The following LAMP2 variants were observed in gnomAD, a reference collection of about 807,000 sequenced individuals.
The protein encoded by LAMP2 is lysosome-associated membrane glycoprotein 2.
Under a neutral mutation model 25.6 loss-of-function variants are expected in LAMP2, and 4 were observed. The observed-to-expected ratio is 0.16, with a 90% CI of 0.08 to 0.36. LAMP2 has a LOEUF of 0.36. Among genes scored for constraint, LAMP2 ranks in the 10% least tolerant of loss-of-function variants. The pLI, the probability that LAMP2 is intolerant of heterozygous loss-of-function variation, is 1.00. For missense variants in LAMP2, 272 were observed against 301.4 expected (o/e 0.90, Z 0.72); for synonymous variants, 108 against 112.7 (o/e 0.96, Z 0.27).
intron 3 of LAMP2, among the ~76,000 whole-genome samples, chrX:120,450,892 C>T (rs1369668655): frequency 1.8e-5 from 2 of 108,397 alleles, no homozygotes; most frequent in African/African-American, 6.7e-5. Context: ...ATATGTAGAG[C>T]CTTTTAAAAA....
At chrX:120,465,312 C>T (rs1921488817) in intron 1 of LAMP2, among the ~76,000 whole-genome samples, 1 of 87,387 alleles carries the variant, frequency 1.1e-5, no homozygotes, top group South Asian at 5.6e-4. Flanking sequence ...AAATTCTGAA[C>T]CCTAAAAAAA....
chrX:120,458,270 C>G (rs1473591706), intron 1 of LAMP2, among the ~76,000 whole-genome samples: 1 of 111,659 alleles, frequency 9.0e-6, no homozygotes, highest in Non-Finnish European at 1.9e-5. Flanking sequence ...TCAAAACATT[C>G]AAAAGTATTG....
Position 120,427,527 on chromosome X carries a change from C to T in LAMP2, c.*3796G>A, listed in dbSNP as rs1389302905. Among the ~76,000 whole-genome samples, 1 of 111,801 alleles carries T rather than the reference C, an allele frequency of 8.9e-6. No homozygotes were observed. The highest frequency in any genetic ancestry group is 3.2e-5 in the African/African-American group (1 of 30,783). ...CTGATGACATATCAGGGCCCACTAA[C>T]CTCTAGAGTAAGCACTTGTTGCTGT... On this transcript the variant is annotated 3_prime_UTR_variant, in exon 9 of 9. Coordinates refer to ENST00000200639, the MANE Select transcript of LAMP2 (RefSeq NM_002294.3).
intron 3 of LAMP2, among the ~76,000 whole-genome samples, chrX:120,452,522 C>T (rs2058625727): frequency 9.0e-6 from 1 of 110,635 alleles, no homozygotes; most frequent in Admixed American, 9.7e-5. Flanking sequence ...CACGGGAACA[C>T]TTTTAAATCA....
chrX:120,460,227 C>T (rs187951943), intron 1 of LAMP2, among the ~76,000 whole-genome samples: 6 of 109,109 alleles, frequency 5.5e-5, no homozygotes, highest in African/African-American at 1.0e-4. Context: ...GAGCTGAGAT[C>T]GCGCCACTGC....
intron 8 of LAMP2, among the ~76,000 whole-genome samples, chrX:120,432,842 C>A (rs1317796888): frequency 1.8e-5 from 2 of 109,895 alleles, no homozygotes; most frequent in African/African-American, 6.7e-5. Flanking sequence ...CGCCTGTAGT[C>A]CTAGCTACTT....
Position 120,455,542 on chromosome X carries a change from G to A in LAMP2, c.212C>T (p.Thr71Ile). The change falls in exon 3 of 9, where the codon ACT becomes ATT. Residue 71 changes from threonine (T) to isoleucine (I), a missense_variant. Physicochemically the swap from Thr to Ile is moderately conservative, Grantham distance 89 (BLOSUM62 -1). Coordinates refer to ENST00000200639, the MANE Select transcript of LAMP2 (RefSeq NM_002294.3). Reference sequence around the variant, plus strand: ...ACAAATGCTTCCATTATATGTCACAGTGCCATGGTCTGAAATGGTTACAGT... The same window carrying A: ...ACAAATGCTTCCATTATATGTCACAATGCCATGGTCTGAAATGGTTACAGT... ...YKTVTISDHG[T>I]VTYNGSICGD... is the part of the protein sequence containing the mutation. The A allele has an allele frequency of 8.3e-7, 1 of 1,208,635 alleles. No individual in the cohort carries two copies. The highest frequency in any genetic ancestry group is 1.1e-6 in the Non-Finnish European group (1 of 892,980).
At position 120,456,652 on chromosome X, in the gene LAMP2, T is replaced by G; in HGVS notation, c.182A>C (p.Tyr61Ser). The G allele has an allele frequency of 1.0e-6, 1 of 994,131 alleles. No homozygotes were observed. Among genetic ancestry groups the G allele is most frequent in the Non-Finnish European group, 1.4e-6 (1 of 707,576 alleles). 81.9% of individuals were successfully genotyped at this position (994,131 alleles called of 1,213,427 possible). Residue 61 changes from tyrosine (Y) to serine (S), a missense_variant and splice_region_variant, in exon 2 of 9, where the codon TAT (tyrosine) becomes TCT (serine). Transcript: ENST00000200639. ...AGAAAAATTAAAATATATACTTACA[T>G]AAGTTTTATTTGTAGTTTCATAGCG... ...TVRYETTNKTYKTVTISDHGT... is the reference protein window; with the variant it reads ...TVRYETTNKTSKTVTISDHGT...
At chrX:120,451,551 G>A (rs1019579453) in intron 3 of LAMP2, among the ~76,000 whole-genome samples, 43 of 110,926 alleles carry the variant, frequency 3.9e-4, no homozygotes, top group African/African-American at 1.2e-3. Context: ...CGCAACCTCC[G>A]CCTCCCAGGT....
At chrX:120,443,489 T>C (rs1242924200) in intron 6 of LAMP2, among the ~76,000 whole-genome samples, 1 of 112,104 alleles carries the variant, frequency 8.9e-6, no homozygotes, top group African/African-American at 3.2e-5. Flanking sequence ...TCCTATGCAA[T>C]AGGTGCTGTT....
intron 3 of LAMP2, among the ~76,000 whole-genome samples, chrX:120,455,126 C>T (rs1392912867): frequency 3.8e-5 from 4 of 104,690 alleles, no homozygotes; most frequent in African/African-American, 1.4e-4. Flanking sequence ...TTACTGTATA[C>T]TAGGATAATA....
Position 120,430,195 on chromosome X carries a change from TTATC to T in LAMP2, c.*1124_*1127del. On this transcript the variant is annotated 3_prime_UTR_variant, in exon 9 of 9. Coordinates refer to ENST00000200639, the MANE Select transcript of LAMP2 (RefSeq NM_002294.3). ...TTCTAGTCTATTAAGCCTTCCTTCTTTATCTATGTTTCATGTCTGTGCTACTCTT... is the reference window on the plus strand; with the variant it reads ...TTCTAGTCTATTAAGCCTTCCTTCTTTATGTTTCATGTCTGTGCTACTCTT... The T allele has an allele frequency of 2.7e-6, 2 of 753,798 alleles. No homozygotes were observed. The highest frequency in any genetic ancestry group is 1.5e-4 in the East Asian group (1 of 6,676). The allele number at this position is 753,798 out of a possible 1,213,427, so 62.1% of individuals were successfully genotyped here.
In LAMP2 at chrX:120,441,722, A is replaced by C; in HGVS notation, c.1093+8T>G. 8.4e-7 allele frequency: 1 copy of C among 1,197,113 alleles called. No homozygotes were observed. The highest frequency in any genetic ancestry group is 3.0e-5 in the East Asian group (1 of 33,799). The stretch of plus-strand genomic sequence containing the variant: ...ATAAATTATTAATGAAGTTTGCTTG[A>C]TTCTTACCTGTAGAATACTTTCCTT... On this transcript the variant is annotated splice_region_variant and intron_variant, in intron 8 of 8. Coordinates refer to ENST00000200639, the MANE Select transcript of LAMP2 (RefSeq NM_002294.3).
At chrX:120,437,644 A>C (rs2058551302) in intron 8 of LAMP2, 2 of 748,422 alleles carry the variant, frequency 2.7e-6, no homozygotes, top group African/African-American at 4.7e-5. Context: ...AGACCACAAA[A>C]CTGAACACAA....
rs1407924237 is a variant in LAMP2, at chrX:120,429,046, CTT to C, written c.*2275_*2276del. On this transcript the variant is annotated 3_prime_UTR_variant, in exon 9 of 9. Coordinates refer to ENST00000200639, the MANE Select transcript of LAMP2 (RefSeq NM_002294.3). ...GTAATAAAATTTAAGTTAAAAAAGA[CTT>C]AGGATCAAGAATGTAGTATATATAT... 1.9e-5 allele frequency: 11 copies of C among 584,099 alleles called. No homozygotes were observed. The highest frequency in any genetic ancestry group is 3.4e-4 in the East Asian group (2 of 5,844). The allele number at this position is 584,099 out of a possible 1,213,427, so 48.1% of individuals were successfully genotyped here.
intron 1 of LAMP2, among the ~76,000 whole-genome samples, chrX:120,468,857 G>A (rs1411036053): frequency 1.8e-5 from 2 of 110,951 alleles, no homozygotes; most frequent in Admixed American, 9.6e-5. Context: ...ACTCCTCCCA[G>A]CCTACTCCCT....
At chrX:120,436,707 T>G in intron 8 of LAMP2, 1 of 735,756 alleles carries the variant, frequency 1.4e-6, no homozygotes, top group East Asian at 1.5e-4. Flanking sequence ...GGTATGAATC[T>G]AGTAATACAA....
chrX:120,469,117 C>A lies in LAMP2; in HGVS notation c.53G>T (p.Cys18Phe). Residue 18 changes from cysteine (C) to phenylalanine (F), a missense_variant, in exon 1 of 9, where the codon TGC becomes TTC. By Grantham distance (205) the Cys-to-Phe change is radical (BLOSUM62 -2). Transcript: ENST00000200639. ...GCCCGACAACTCACCCAGGACTAGG[C>A]AGACCAGAACGAGCCCTGAGCCCGG... is the stretch of plus-strand genomic sequence containing the variant. ...PVPGSGLVLV[C>F]LVLGAVRSYA... 1 of 1,211,989 alleles carries A rather than the reference C, an allele frequency of 8.3e-7. No individual in the cohort carries two copies. Among genetic ancestry groups the A allele is most frequent in the Non-Finnish European group, 1.1e-6 (1 of 895,375 alleles).
In LAMP2 at chrX:120,431,055, GCTT is replaced by G; in HGVS notation, c.*265_*267del. 2.2e-6 allele frequency: 2 copies of G among 928,098 alleles called. No individual in the cohort carries two copies. The highest frequency in any genetic ancestry group is 1.3e-6 in the Non-Finnish European group (1 of 746,253). The allele number at this position is 928,098 out of a possible 1,213,427, so 76.5% of individuals were successfully genotyped here. A position where few individuals can be genotyped will look rare whatever the true frequency, so the allele number is the denominator to read the frequency against. ...AGGTTAGGATCAAAATTTGGCCAGG[GCTT>G]CTTAAGATAGACCTTAAAACATTGC... On this transcript the variant is annotated 3_prime_UTR_variant, in exon 9 of 9. Transcript: ENST00000200639.
Sources: allele counts gnomAD v4.1 joint callset (sites outside exome capture counted in the v4.1 genomes callset), GRCh38; gene constraint gnomAD v4.1.1; transcripts MANE v1.5; gene names NCBI Gene and HGNC (gene_info 2026-07-23, HGNC 2026-07-21).